The following SYNJ2 variants were observed in gnomAD, a reference collection of about 807,000 sequenced individuals.
The protein encoded by SYNJ2 is synaptojanin 2, also known as polyphosphatidylinositol phosphatase SYNJ2.
SYNJ2 carries 116 observed loss-of-function variants against 141.3 expected under a neutral mutation model. That is an observed-to-expected ratio of 0.82 (90% CI 0.71 to 0.96). SYNJ2 has a LOEUF of 0.96. Among genes scored for constraint, SYNJ2 ranks in the 40% least tolerant of loss-of-function variants. SYNJ2 has a pLI of 0.00. For synonymous variants in SYNJ2, 745 were observed against 777.7 expected, an observed-to-expected ratio of 0.96 and a Z score of 0.70; for missense variants, 1,873 against 1,934.8, an observed-to-expected ratio of 0.97 and a Z score of 0.60.
chr6:157,992,369 G>A (rs1030529092), intron 1 of SYNJ2, among the ~76,000 whole-genome samples: 5 of 146,426 alleles, frequency 3.4e-5, no homozygotes, highest in Non-Finnish European at 6.0e-5. Context: ...GTGAGAATAT[G>A]CAATGTTTGT....
intron 1 of SYNJ2, among the ~76,000 whole-genome samples, chr6:157,999,271 A>G (rs1777746954): frequency 1.3e-5 from 2 of 152,238 alleles, no homozygotes; most frequent in Admixed American, 6.5e-5. Flanking sequence ...CCCCGTCTCC[A>G]GCCCCACTCT....
intron 1 of SYNJ2, among the ~76,000 whole-genome samples, chr6:157,984,547 G>A (rs1410693221): frequency 1.3e-5 from 2 of 152,094 alleles, no homozygotes; most frequent in East Asian, 3.9e-4. Flanking sequence ...AGGATTACAG[G>A]CACACGCCAC....
chr6:158,069,007 C>T (rs1781743544), intron 13 of SYNJ2, among the ~76,000 whole-genome samples: 1 of 152,148 alleles, frequency 6.6e-6, no homozygotes, highest in Non-Finnish European at 1.5e-5. Context: ...CTAATTTATG[C>T]TGCCAGAGGG....
intron 1 of SYNJ2, among the ~76,000 whole-genome samples, chr6:157,987,442 C>T (rs2128313653): frequency 6.6e-6 from 1 of 152,206 alleles, no homozygotes; most frequent in Middle Eastern, 3.4e-3. Flanking sequence ...GCTCTCTCAC[C>T]CAGGCTGGAG....
intron 3 of SYNJ2, among the ~76,000 whole-genome samples, chr6:158,032,137 T>C (rs1369126739): frequency 6.6e-6 from 1 of 151,416 alleles, no homozygotes; most frequent in Non-Finnish European, 1.5e-5. Context: ...GTGCTCCCTG[T>C]GGGGGTGCAT....
rs1162274284 is a variant in SYNJ2, at chr6:158,043,102, C to T, written c.712-214C>T. 1.3e-5 allele frequency among the ~76,000 whole-genome samples: 2 copies of T among 152,174 alleles called. No homozygotes were observed. Among genetic ancestry groups the T allele is most frequent in the Non-Finnish European group, 2.9e-5 (2 of 68,034 alleles). On this transcript the variant is annotated intron_variant, in intron 4 of 26. Coordinates refer to ENST00000355585, the MANE Select transcript of SYNJ2 (RefSeq NM_003898.4). This position sits in a 1 kb window ranked among gnomAD's most constrained non-coding sequence, Gnocchi z 4.0. Reference sequence around the variant, plus strand: ...GGCCCCAACCCCCAGCAGACCCCCTCCTCAGAGGCTGGTCGACAGCCAGCA... The same window carrying T: ...GGCCCCAACCCCCAGCAGACCCCCTTCTCAGAGGCTGGTCGACAGCCAGCA...
intron 1 of SYNJ2, among the ~76,000 whole-genome samples, chr6:157,991,425 C>T (rs575918264): frequency 2.8e-4 from 43 of 152,190 alleles, no homozygotes; most frequent in African/African-American, 4.8e-4. Flanking sequence ...TGCTGATCCA[C>T]GACCAGCTTT....
At chr6:158,054,358 T>C (rs542875093) in intron 5 of SYNJ2, among the ~76,000 whole-genome samples, 30 of 152,376 alleles carry the variant, frequency 2.0e-4, no homozygotes, top group Admixed American at 6.5e-4. Context: ...ATTTCTATTT[T>C]ATTCATCAGG....
chr6:158,066,611 C>G lies in SYNJ2; in HGVS notation c.1693C>G (p.Leu565Val). Residue 565 changes from leucine to valine, a missense_variant, in exon 12 of 27, where the codon CTC becomes GTC. Transcript: ENST00000355585. ...AGACTGGCTGCTCGACTCGCCCCAGCTCTCGGGAGCTACCGACTCCCAGGG... is the reference window on the plus strand; with the variant it reads ...AGACTGGCTGCTCGACTCGCCCCAGGTCTCGGGAGCTACCGACTCCCAGGG... ...LTDWLLDSPQLSGATDSQDDS... is the reference protein window; with the variant it reads ...LTDWLLDSPQVSGATDSQDDS... 1 of 1,613,802 alleles carries G rather than the reference C, an allele frequency of 6.2e-7. No homozygotes were observed.
chr6:158,002,710 G>T (rs568583745), intron 1 of SYNJ2, among the ~76,000 whole-genome samples: 13 of 152,272 alleles, frequency 8.5e-5, no homozygotes, highest in African/African-American at 2.6e-4. Context: ...GTATTTTTGT[G>T]CTTCTTTCTT....
chr6:158,006,214 CAT>C (rs1778066000), intron 1 of SYNJ2, among the ~76,000 whole-genome samples: 1 of 152,160 alleles, frequency 6.6e-6, no homozygotes, highest in African/African-American at 2.4e-5. Context: ...CACGCACACA[CAT>C]GCGCACACAC....
At chr6:157,998,431 G>A (rs1336750070) in intron 1 of SYNJ2, among the ~76,000 whole-genome samples, 2 of 152,212 alleles carry the variant, frequency 1.3e-5, no homozygotes, top group Non-Finnish European at 2.9e-5. Flanking sequence ...TTTACCATGA[G>A]CAATGTTGTC....
intron 5 of SYNJ2, among the ~76,000 whole-genome samples, chr6:158,044,034 T>G (rs1193215465): frequency 6.6e-6 from 1 of 152,094 alleles, no homozygotes; most frequent in East Asian, 1.9e-4. Context: ...TCTAACAAGG[T>G]GGGTTATGGG....
intron 5 of SYNJ2, among the ~76,000 whole-genome samples, chr6:158,049,961 C>T (rs1305532355): frequency 6.6e-6 from 1 of 151,872 alleles, no homozygotes; most frequent in Non-Finnish European, 1.5e-5. Context: ...CATGCCTCTA[C>T]CAGTATGCAC....
At chr6:158,038,813 C>A (rs1259233110) in intron 4 of SYNJ2, among the ~76,000 whole-genome samples, 1 of 152,226 alleles carries the variant, frequency 6.6e-6, no homozygotes, top group Non-Finnish European at 1.5e-5. Flanking sequence ...CGGCTGGTGA[C>A]CCCTGCCTGG....
chr6:158,077,335 C>T (rs1175462618), intron 17 of SYNJ2, among the ~76,000 whole-genome samples: 1 of 152,158 alleles, frequency 6.6e-6, no homozygotes, highest in African/African-American at 2.4e-5. Flanking sequence ...GCAAATAGGT[C>T]TGCTCCTGGC....
chr6:158,078,699 C>G (rs1435319105), intron 18 of SYNJ2: 1 of 153,280 alleles, frequency 6.5e-6, no homozygotes, highest in African/African-American at 2.4e-5. Context: ...ATGGAACTTA[C>G]AACTTATCCA....
At position 158,074,732 on chromosome 6, in the gene SYNJ2, T is replaced by G; in HGVS notation, c.2286T>G (p.Ser762Arg). 1 of 1,611,834 alleles carries G rather than the reference T, an allele frequency of 6.2e-7. No homozygotes were observed. The highest frequency in any genetic ancestry group is 1.7e-4 in the Middle Eastern group (1 of 6,060). ...ATCAACTACAGCTACAGAAATCAAG[T>G]GGAAAAGTAAGTTGTGCTTTAAAAA... The part of the protein sequence containing the change: ...EFDQLQLQKS[S>R]GKIFKDFHEG... Residue 762 changes from serine to arginine, a missense_variant, in exon 16 of 27, where the codon AGT becomes AGG. Physicochemically the swap from Ser to Arg is moderately radical, Grantham distance 110. Coordinates refer to ENST00000355585, the MANE Select transcript of SYNJ2 (RefSeq NM_003898.4).
At chr6:157,985,869 G>A (rs1467865862) in intron 1 of SYNJ2, among the ~76,000 whole-genome samples, 1 of 152,136 alleles carries the variant, frequency 6.6e-6, no homozygotes, top group East Asian at 1.9e-4. Flanking sequence ...GTTAATTAAT[G>A]GGTGTCCCTA....
Sources: gnomAD v4.1 joint callset for allele counts (sites outside exome capture counted in the v4.1 genomes callset) on GRCh38, gnomAD v4.1.1 for gene constraint, Gnocchi (gnomAD v3.1) non-coding constraint, MANE v1.5 for transcripts, NCBI Gene and HGNC (gene_info 2026-07-23, HGNC 2026-07-21) for gene names.